Variants in DECR2 observed in about 807,000 individuals in gnomAD.
DECR2 encodes 2,4-dienoyl-CoA reductase 2.
Under a neutral mutation model 29.2 loss-of-function variants are expected in DECR2, and 34 were observed. That is an observed-to-expected ratio of 1.16 (90% CI 0.89 to 1.55). The LOEUF (loss-of-function observed/expected upper bound fraction) is 1.55, where lower values mean the gene tolerates loss of function less well. Ranked by LOEUF, DECR2 falls within the 40% of genes most tolerant of loss-of-function variation. The probability of loss-of-function intolerance (pLI) is 0.00; values close to 1 mark genes in which losing one functional copy is unlikely to be tolerated. For missense variants in DECR2, 485 were observed against 425.3 expected, an observed-to-expected ratio of 1.14 and a Z score of -1.23; for synonymous variants, 224 against 182.7, an observed-to-expected ratio of 1.23 and a Z score of -1.82.
chr16:404,015 T>C (rs1262048883), intron 1 of DECR2, among the ~76,000 whole-genome samples: 1 of 148,646 alleles, frequency 6.7e-6, no homozygotes, highest in African/African-American at 2.5e-5. Flanking sequence ...CTACTAAAAA[T>C]ACAAAAAATT....
intron 1 of DECR2, chr16:403,103 A>G (rs1379891886): frequency 6.8e-6 from 6 of 881,254 alleles, no homozygotes; most frequent in Admixed American, 6.2e-5. Context: ...GGTTGAAGCA[A>G]TTCTCCTGCC....
At chr16:407,087 G>A (rs988765297) in intron 3 of DECR2, 47 of 1,110,510 alleles carry the variant, frequency 4.2e-5, no homozygotes, top group Admixed American at 9.2e-5. Context: ...TAGGTGGTCC[G>A]TGCGTCCCAC....
Position 411,506 on chromosome 16 carries a change from C to T in DECR2, c.807C>T (p.Gly269=), listed in dbSNP as rs1351960541. ...CGGGGGCCGTGCTGGTGGCCGATGGCGGGGCATGGTTGACGTTCCCAAACG... is the reference window on the plus strand; with the variant it reads ...CGGGGGCCGTGCTGGTGGCCGATGGTGGGGCATGGTTGACGTTCCCAAACG... ...YVTGAVLVAD[G]GAWLTFPNGV... The change falls in exon 8 of 9, where the codon GGC becomes GGT. Residue 269 remains glycine (G), a synonymous_variant. Transcript: ENST00000219481. 8.1e-6 allele frequency: 13 copies of T among 1,613,900 alleles called. No homozygotes were observed. Among genetic ancestry groups the T allele is most frequent in the Admixed American group, 1.7e-5 (1 of 60,004 alleles).
chr16:410,841 G>T lies in DECR2; in HGVS notation c.556+57G>T. On this transcript the variant is annotated intron_variant, in intron 6 of 8. Transcript: ENST00000219481. The surrounding 1 kb of genome is among the most constrained non-coding windows in gnomAD (Gnocchi z 4.1). ...CACGTGGGTCCCCAATGGGCCGTCT[G>T]CTTCCATCCCAGGAGGCCAGCAGTC... 9.8e-6 allele frequency: 15 copies of T among 1,527,000 alleles called. No individual in the cohort carries two copies. Among genetic ancestry groups the T allele is most frequent in the Non-Finnish European group, 1.3e-5 (15 of 1,127,494 alleles). 94.6% of individuals were successfully genotyped at this position (1,527,000 alleles called of 1,614,324 possible). A position where few individuals can be genotyped will look rare whatever the true frequency, so the allele number is the denominator to read the frequency against.
At chr16:403,363 A>C (rs1231238756) in intron 1 of DECR2, among the ~76,000 whole-genome samples, 1 of 152,194 alleles carries the variant, frequency 6.6e-6, no homozygotes, top group East Asian at 1.9e-4. Context: ...GGCAACTTGG[A>C]GATCAGCAAA....
chr16:411,208 C>A, intron 7 of DECR2, 132 bp downstream of exon 7: 1 of 1,176,764 alleles, frequency 8.5e-7, no homozygotes, highest in Non-Finnish European at 1.2e-6. Flanking sequence ...CAACTATGTT[C>A]TGTGCCTGGC....
Position 407,496 on chromosome 16 carries a change from A to C in DECR2, c.273A>C (p.Pro91=). The C allele has an allele frequency of 6.2e-7, 1 of 1,613,922 alleles. No homozygotes were observed. The highest frequency in any genetic ancestry group is 8.5e-7 in the Non-Finnish European group (1 of 1,179,930). ...LPLSMDVRAP[P]AVMAAVDQAL... ...TCTCTATGGACGTCCGAGCGCCCCC[A>C]GCTGTCATGGCCGCCGTGGACCAGG... is the stretch of plus-strand genomic sequence containing the variant. The change falls in exon 4 of 9, where the codon CCA becomes CCC. Residue 91 remains proline (P), a synonymous_variant. Coordinates refer to ENST00000219481, the MANE Select transcript of DECR2 (RefSeq NM_020664.4).
Position 408,311 on chromosome 16 carries a change from GTCTCTGGCCC to G in DECR2, c.337+755_337+764del, listed in dbSNP as rs538053820. On this transcript the variant is annotated intron_variant, in intron 4 of 8. Transcript: ENST00000219481. ...TCCGGCCCCCTGTCTCCGGGCTTCT[GTCTCTGGCCC>G]TCTGTCTCTGGCCCTCTGTCTCCAG... Among the ~76,000 whole-genome samples, 822 of 150,054 alleles carry G rather than the reference GTCTCTGGCCC, an allele frequency of 5.5e-3. 6 individuals are homozygous for G. The highest frequency in any genetic ancestry group is 0.02 in the African/African-American group (803 of 40,964).
At chr16:406,118 C>G (rs2054720802) in intron 2 of DECR2, among the ~76,000 whole-genome samples, 1 of 152,182 alleles carries the variant, frequency 6.6e-6, no homozygotes, top group South Asian at 2.1e-4. Flanking sequence ...GGGGCAGGAC[C>G]CGCAGGCCTG....
At chr16:402,519 G>A (rs1597194224) in intron 1 of DECR2, among the ~76,000 whole-genome samples, 3 of 152,136 alleles carry the variant, frequency 2.0e-5, no homozygotes, top group African/African-American at 7.2e-5. Context: ...GCCAGGTTTT[G>A]CCCAGCAGCT....
In DECR2 at chr16:410,883, C is replaced by T; in HGVS notation, c.557-89C>T. On this transcript the variant is annotated intron_variant, in intron 6 of 8. Transcript: ENST00000219481. This position sits in a 1 kb window ranked among gnomAD's most constrained non-coding sequence, Gnocchi z 4.1. ...CCAGCAGTCTCCACTTGAAGCTGAGCCCAGCTGCAGGCAGCGAGACCTGGC... is the reference window on the plus strand; with the variant it reads ...CCAGCAGTCTCCACTTGAAGCTGAGTCCAGCTGCAGGCAGCGAGACCTGGC... 1 of 1,526,360 alleles carries T rather than the reference C, an allele frequency of 6.6e-7. No homozygotes were observed. The highest frequency in any genetic ancestry group is 1.4e-5 in the African/African-American group (1 of 72,784). The allele number at this position is 1,526,360 out of a possible 1,614,324, so 94.6% of individuals were successfully genotyped here.
Position 410,944 on chromosome 16 carries a change from C to T in DECR2, c.557-28C>T, listed in dbSNP as rs1181642503. 1.3e-6 allele frequency: 2 copies of T among 1,572,632 alleles called. No homozygotes were observed. Among genetic ancestry groups the T allele is most frequent in the East Asian group, 2.4e-5 (1 of 42,518 alleles). ...CGCCCTCGCAGAGGGCAGAGCGGCC[C>T]TTTCATATCCAACTTTCTTCTGTGC... On this transcript the variant is annotated intron_variant, in intron 6 of 8. Coordinates refer to ENST00000219481, the MANE Select transcript of DECR2 (RefSeq NM_020664.4). This position sits in a 1 kb window ranked among gnomAD's most constrained non-coding sequence, Gnocchi z 4.1.
chr16:406,257 G>A (rs184324667), intron 2 of DECR2, 89 bp from the exon 3 acceptor site: 12 of 1,413,584 alleles, frequency 8.5e-6, no homozygotes, highest in Admixed American at 3.6e-5. Context: ...TGGTACTTCC[G>A]CCTGAGAGAC....
chr16:401,958 AG>A lies in DECR2; in HGVS notation c.-5del. ...CGTTGTCCCCGCAGTCCCCGACGGG[AG>A]CGCCATGGCCCAGCCGCCGCCCGAC... On this transcript the variant is annotated 5_prime_UTR_variant, in exon 1 of 9. Coordinates refer to ENST00000219481, the MANE Select transcript of DECR2 (RefSeq NM_020664.4). The A allele has an allele frequency of 6.7e-7, 1 of 1,484,286 alleles. No homozygotes were observed. The highest frequency in any genetic ancestry group is 8.9e-7 in the Non-Finnish European group (1 of 1,124,690). The allele number at this position is 1,484,286 out of a possible 1,614,324, so 91.9% of individuals were successfully genotyped here. A position where few individuals can be genotyped will look rare whatever the true frequency, so the allele number is the denominator to read the frequency against.
intron 1 of DECR2, among the ~76,000 whole-genome samples, chr16:402,722 G>A (rs995081990): frequency 1.3e-5 from 2 of 151,180 alleles, no homozygotes; most frequent in Non-Finnish European, 2.9e-5. Context: ...AGTGGCTCAC[G>A]CCTGTAATCC....
chr16:402,126 G>C (rs1221005153), intron 1 of DECR2, 83 bp downstream of exon 1: 1 of 1,160,854 alleles, frequency 8.6e-7, no homozygotes, highest in South Asian at 2.3e-5. Context: ...GTCCCCGAGG[G>C]CTCGCGTGTT....
rs533371757 is a variant in DECR2, at chr16:405,404, G to C, written c.149+380G>C. On this transcript the variant is annotated intron_variant, in intron 2 of 8. Transcript: ENST00000219481. ...ACAGTGGCTAGAGTTAGGCTGGGGT[G>C]GGGGAAAGGGACCCTTCCTCAGTTC... The C allele has an allele frequency of 1.5e-5, 10 of 661,920 alleles. No homozygotes were observed. The Admixed American group carries it at 2.1e-4, about 14-fold the overall frequency. The allele number at this position is 661,920 out of a possible 1,614,324, so 41.0% of individuals were successfully genotyped here.
intron 1 of DECR2, among the ~76,000 whole-genome samples, chr16:404,384 A>T (rs918317687): frequency 6.6e-6 from 1 of 150,382 alleles, no homozygotes; most frequent in South Asian, 2.1e-4. Flanking sequence ...GATTACAGGC[A>T]TGCACCACCA....
intron 1 of DECR2, among the ~76,000 whole-genome samples, chr16:404,699 G>A (rs540202186): frequency 9.2e-4 from 140 of 151,666 alleles, no homozygotes; most frequent in Non-Finnish European, 1.5e-3. Context: ...GTGCGATCTC[G>A]GCTCACTGCA....
Sources: gnomAD v4.1 joint callset for allele counts (sites outside exome capture counted in the v4.1 genomes callset) on GRCh38, gnomAD v4.1.1 for gene constraint, Gnocchi (gnomAD v3.1) non-coding constraint, MANE v1.5 for transcripts, NCBI Gene and HGNC (gene_info 2026-07-23, HGNC 2026-07-21) for gene names.